Variants in GLIS3 observed in about 807,000 individuals in gnomAD.
GLIS3 encodes zinc finger protein GLIS3.
GLIS3 carries 53 observed loss-of-function variants against 78.6 expected under a neutral mutation model. The ratio of observed to expected loss-of-function variants is 0.67; its 90% CI spans 0.54 to 0.85. The LOEUF is 0.85. Among genes scored for constraint, GLIS3 ranks in the 40% least tolerant of loss-of-function variants. The pLI is 0.00. For missense variants in GLIS3, 1,703 were observed against 1,231.1 expected, an observed-to-expected ratio of 1.38 and a Z score of -5.74; for synonymous variants, 684 against 509.9, an observed-to-expected ratio of 1.34 and a Z score of -4.60.
At chr9:4,112,420 C>A (rs761499973) in intron 4 of GLIS3, among the ~76,000 whole-genome samples, 31 of 152,136 alleles carry the variant, frequency 2.0e-4, no homozygotes, top group Non-Finnish European at 4.4e-4. Flanking sequence ...ACAGAAGTAA[C>A]AGGGTAGGCT....
chr9:4,270,039 A>C (rs1407830906), intron 2 of GLIS3, among the ~76,000 whole-genome samples: 1 of 152,198 alleles, frequency 6.6e-6, no homozygotes, highest in Non-Finnish European at 1.5e-5. Flanking sequence ...CTCTGCAGTA[A>C]GACAGACGTG....
intron 2 of GLIS3, among the ~76,000 whole-genome samples, chr9:4,151,424 A>C (rs1586818288): frequency 6.6e-6 from 1 of 152,344 alleles, no homozygotes; most frequent in South Asian, 2.1e-4. Flanking sequence ...ACCAAATGTA[A>C]ATCTGCCACT....
chr9:4,128,987 A>T (rs981911551), intron 2 of GLIS3, among the ~76,000 whole-genome samples: 12 of 152,234 alleles, frequency 7.9e-5, no homozygotes, highest in African/African-American at 2.9e-4. Flanking sequence ...TCCTTGAAGC[A>T]TGAAAATTAA....
chr9:4,059,976 C>T (rs1294891767), intron 4 of GLIS3, among the ~76,000 whole-genome samples: 1 of 152,106 alleles, frequency 6.6e-6, no homozygotes, highest in Admixed American at 6.5e-5. Context: ...ACTTTCTACA[C>T]ATGTTGAATC....
chr9:3,847,581 TGCA>T (rs1311303862), intron 9 of GLIS3, among the ~76,000 whole-genome samples: 28 of 152,270 alleles, frequency 1.8e-4, no homozygotes, highest in African/African-American at 6.3e-4. Flanking sequence ...TGCTTGTGTG[TGCA>T]GATGCTTAGT....
the GLIS3 span, among the ~76,000 whole-genome samples, chr9:4,483,538 T>A: frequency 6.6e-6 from 1 of 151,898 alleles, no homozygotes; most frequent in Non-Finnish European, 1.5e-5. Flanking sequence ...ACCAACATGG[T>A]GAAACCCCAT....
chr9:4,096,641 T>C (rs538844662), intron 4 of GLIS3, among the ~76,000 whole-genome samples: 1 of 152,166 alleles, frequency 6.6e-6, no homozygotes, highest in Admixed American at 6.5e-5. Flanking sequence ...TGTGATGTGA[T>C]CCAGTCTTCT....
chr9:3,964,588 C>A (rs1235860488), intron 4 of GLIS3, among the ~76,000 whole-genome samples: 1 of 152,136 alleles, frequency 6.6e-6, no homozygotes, highest in Non-Finnish European at 1.5e-5. Context: ...TAACAAGGAT[C>A]AATTATTCTC....
chr9:4,243,581 T>G (rs1465721150), intron 2 of GLIS3, among the ~76,000 whole-genome samples: 1 of 152,248 alleles, frequency 6.6e-6, no homozygotes, highest in Non-Finnish European at 1.5e-5. Context: ...CTGGTTATTT[T>G]GCTTTGGGAT....
At chr9:4,467,459 ATTT>A in the GLIS3 span, among the ~76,000 whole-genome samples, 1 of 152,100 alleles carries the variant, frequency 6.6e-6, no homozygotes, top group Non-Finnish European at 1.5e-5. Flanking sequence ...AGGCAACAAC[ATTT>A]GCCATTCTGC....
chr9:4,133,871 CACA>C (rs1564098550), intron 2 of GLIS3, among the ~76,000 whole-genome samples: 2,443 of 138,054 alleles, frequency 0.018, 42 homozygotes, highest in African/African-American at 0.021. Flanking sequence ...CACACACACA[CACA>C]CCGTACATCT....
At chr9:4,264,950 A>T (rs968284165) in intron 2 of GLIS3, among the ~76,000 whole-genome samples, 7 of 151,886 alleles carry the variant, frequency 4.6e-5, no homozygotes, top group African/African-American at 1.7e-4. Flanking sequence ...GTGGATCACG[A>T]GGTCAGGAGA....
At chr9:4,358,618 A>G in the GLIS3 span, among the ~76,000 whole-genome samples, 1 of 152,138 alleles carries the variant, frequency 6.6e-6, no homozygotes, top group African/African-American at 2.4e-5. Flanking sequence ...CCCTATTTAG[A>G]TGGGAGTTTT....
chr9:4,453,281 G>C, the GLIS3 span, among the ~76,000 whole-genome samples: 1 of 133,318 alleles, frequency 7.5e-6, no homozygotes, highest in East Asian at 2.4e-4. Context: ...AACACCAAAA[G>C]CAATGGCAAC....
chr9:3,912,865 G>A (rs1824245290), intron 6 of GLIS3, among the ~76,000 whole-genome samples: 1 of 152,184 alleles, frequency 6.6e-6, no homozygotes, highest in South Asian at 2.1e-4. Flanking sequence ...TTATGGAGTT[G>A]TGAAGACTCA....
At chr9:4,460,025 G>A in the GLIS3 span, among the ~76,000 whole-genome samples, 1 of 151,992 alleles carries the variant, frequency 6.6e-6, no homozygotes, top group Non-Finnish European at 1.5e-5. Context: ...CGCTAAAGTG[G>A]TGCTGAATTG....
chr9:4,208,054 C>T (rs1820038669), intron 2 of GLIS3, among the ~76,000 whole-genome samples: 1 of 152,172 alleles, frequency 6.6e-6, no homozygotes, highest in African/African-American at 2.4e-5. Context: ...ACTTTTATAC[C>T]ACTAACGTCA....
intron 4 of GLIS3, among the ~76,000 whole-genome samples, chr9:4,051,643 T>C (rs1176030631): frequency 6.6e-6 from 1 of 152,288 alleles, no homozygotes; most frequent in East Asian, 1.9e-4. Flanking sequence ...GAAAACTGAG[T>C]TTTGTTTGTT....
At chr9:3,852,482 C>T (rs10973818) in intron 9 of GLIS3, among the ~76,000 whole-genome samples, 63,265 of 152,046 alleles carry the variant, frequency 0.42, 14,670 homozygotes, top group East Asian at 0.74. Flanking sequence ...AGATGCTGTA[C>T]AACTCCAGCA....
Sources: allele counts gnomAD v4.1 joint callset (sites outside exome capture counted in the v4.1 genomes callset), GRCh38; gene constraint gnomAD v4.1.1; transcripts MANE v1.5; gene names NCBI Gene and HGNC (gene_info 2026-07-23, HGNC 2026-07-21).